The following CCDC33 variants were observed in gnomAD, a reference collection of about 807,000 sequenced individuals.
CCDC33 encodes the protein coiled-coil domain-containing protein 33.
In CCDC33, 94 loss-of-function variants were observed where a neutral mutation model predicts 91.9. That is an observed-to-expected ratio of 1.02 (90% CI 0.87 to 1.21). The LOEUF is 1.21. Ranked by LOEUF, CCDC33 falls within the 50% of genes most tolerant of loss-of-function variation. The pLI, the probability that CCDC33 is intolerant of heterozygous loss-of-function variation, is 0.00. For synonymous variants in CCDC33, 396 were observed against 374.5 expected, an observed-to-expected ratio of 1.06 and a Z score of -0.66; for missense variants, 940 against 935.5, an observed-to-expected ratio of 1.00 and a Z score of -0.06.
intron 1 of CCDC33, among the ~76,000 whole-genome samples, chr15:74,240,883 A>T (rs1401853645): frequency 5.9e-5 from 9 of 152,122 alleles, no homozygotes; most frequent in Admixed American, 3.9e-4. Context: ...GTGAGCCACC[A>T]CACCCGGCCA....
chr15:74,331,289 C>A lies in CCDC33; in HGVS notation c.1764C>A (p.Pro588=), dbSNP rs137878325. Residue 588 remains proline (P), a synonymous_variant, in exon 15 of 19, where the codon CCC becomes CCA. Transcript: ENST00000398814. ...CTCTGAACAGGCAGCAGGGAAAGCC[C>A]TACACGGGTGGGTCCACACCCTGAT... is the stretch of plus-strand genomic sequence containing the variant. ...PPPLNRQQGK[P]YTGFPMLSAS... 8,654 of 1,613,958 alleles carry A rather than the reference C, an allele frequency of 5.4e-3. 84 individuals carry two copies. The highest frequency in any genetic ancestry group is 0.031 in the South Asian group (2,853 of 91,068).
chr15:74,290,165 T>A (rs2059558761), intron 10 of CCDC33, among the ~76,000 whole-genome samples: 1 of 143,282 alleles, frequency 7.0e-6, no homozygotes. Flanking sequence ...CATTAACCAT[T>A]TGTTAGGTTT....
chr15:74,233,584 C>T (rs756239233), upstream of CCDC33, among the ~76,000 whole-genome samples: 24 of 152,212 alleles, frequency 1.6e-4, no homozygotes, highest in Non-Finnish European at 3.2e-4. Flanking sequence ...AGTTCACACC[C>T]CACCCCTTAA....
At chr15:74,273,130 T>C (rs2076365288) in intron 7 of CCDC33, among the ~76,000 whole-genome samples, 1 of 152,254 alleles carries the variant, frequency 6.6e-6, no homozygotes, top group African/African-American at 2.4e-5. Flanking sequence ...CAAGATAATG[T>C]ATAATCTAAT....
chr15:74,287,267 C>T (rs769754019), intron 10 of CCDC33, among the ~76,000 whole-genome samples: 2 of 152,148 alleles, frequency 1.3e-5, no homozygotes, highest in Non-Finnish European at 2.9e-5. Context: ...CCCCAAGACT[C>T]CATCTGTGAA....
At chr15:74,268,296 A>T in intron 4 of CCDC33, 46 bp from the exon 5 acceptor site, 1 of 1,391,762 alleles carries the variant, frequency 7.2e-7, no homozygotes, top group Non-Finnish European at 1.0e-6. Context: ...TCTGCCCCTT[A>T]GACACTCTCC....
At chr15:74,259,252 A>G (rs997998216) in intron 2 of CCDC33, among the ~76,000 whole-genome samples, 1 of 151,804 alleles carries the variant, frequency 6.6e-6, no homozygotes, top group Non-Finnish European at 1.5e-5. Context: ...GGCCTAGGGA[A>G]GCAGGTCTTG....
At chr15:74,229,538 C>G (rs961482287) in intron 2 of CCDC33, among the ~76,000 whole-genome samples, 1 of 152,190 alleles carries the variant, frequency 6.6e-6, no homozygotes, top group Non-Finnish European at 1.5e-5. Context: ...AATAGTAGCA[C>G]CTACCTCATA....
rs2059649211 is a variant in CCDC33 at position 74,294,739 on chromosome 15, T to G, written c.1096-1015T>G. On this transcript the variant is annotated intron_variant, in intron 10 of 18. Transcript: ENST00000398814. ...TCCAGCCCGGGCAAGAGAGCAAGACTCTGTCTCAAAAAAAAAAAAAAGAAA... is the reference window on the plus strand; with the variant it reads ...TCCAGCCCGGGCAAGAGAGCAAGACGCTGTCTCAAAAAAAAAAAAAAGAAA... 2.3e-5 allele frequency among the ~76,000 whole-genome samples: 3 copies of G among 131,424 alleles called. No homozygotes were observed. In the Admixed American group the frequency reaches 2.4e-4, roughly 10 times the overall value. The allele number at this position is 131,424 out of a possible 152,430, so 86.2% of individuals were successfully genotyped here.
intron 1 of CCDC33, chr15:74,208,182 G>T: frequency 2.2e-6 from 1 of 449,102 alleles, no homozygotes; most frequent in Non-Finnish European, 3.1e-6. Context: ...CTGACCTGGA[G>T]GAGGGAGGCA....
upstream of CCDC33, among the ~76,000 whole-genome samples, chr15:74,234,997 G>C (rs908319149): frequency 4.3e-4 from 65 of 152,344 alleles, no homozygotes; most frequent in African/African-American, 1.4e-3. Flanking sequence ...GACTAAGCAG[G>C]CCTGAGAGGT....
chr15:74,266,924 G>T, intron 4 of CCDC33, 137 bp downstream of exon 4: 1 of 606,164 alleles, frequency 1.6e-6, no homozygotes. Context: ...GTGGGGCTCA[G>T]GAAACATGGC....
At chr15:74,206,212 C>T (rs1030338821) in intron 1 of CCDC33, among the ~76,000 whole-genome samples, 9 of 152,178 alleles carry the variant, frequency 5.9e-5, no homozygotes, top group Non-Finnish European at 1.0e-4. Flanking sequence ...CTCCCACCTG[C>T]CCCCTCCTGG....
In CCDC33 at chr15:74,335,020, G is replaced by A. The variant is rs747382117; in HGVS notation, c.2071G>A (p.Ala691Thr). The A allele has an allele frequency of 3.1e-6, 5 of 1,613,992 alleles. No homozygotes were observed. Among genetic ancestry groups the A allele is most frequent in the Non-Finnish European group, 3.4e-6 (4 of 1,180,014 alleles). The change falls in exon 18 of 19, where the codon GCC becomes ACC. Residue 691 changes from alanine to threonine, a missense_variant. Coordinates refer to ENST00000398814, the MANE Select transcript of CCDC33 (RefSeq NM_025055.5). Reference sequence around the variant, plus strand: ...CTGGGGACGAGAGAAGCAGGATCTGGCCACACGGCTGCAGGAGCAAGAAAA... The same window carrying A: ...CTGGGGACGAGAGAAGCAGGATCTGACCACACGGCTGCAGGAGCAAGAAAA... Reference protein sequence around the residue: ...RRWGREKQDLATRLQEQEKGF... With the variant: ...RRWGREKQDLTTRLQEQEKGF...
intron 8 of CCDC33, 105 bp from the exon 9 acceptor site, chr15:74,280,563 C>T: frequency 7.6e-7 from 1 of 1,321,254 alleles, no homozygotes; most frequent in Non-Finnish European, 1.0e-6. Context: ...GGCCAGGAGG[C>T]AGGAAAGCAG....
intron 2 of CCDC33, among the ~76,000 whole-genome samples, chr15:74,249,501 A>T (rs200405953): frequency 7.6e-6 from 1 of 131,742 alleles, no homozygotes; most frequent in African/African-American, 3.1e-5. Flanking sequence ...AAAATAATAA[A>T]AAAATAAAAA....
intron 1 of CCDC33, among the ~76,000 whole-genome samples, chr15:74,241,785 T>C (rs1334287115): frequency 6.6e-6 from 1 of 152,070 alleles, no homozygotes; most frequent in Non-Finnish European, 1.5e-5. Context: ...CAGATATAGT[T>C]TGAAGGTGGA....
chr15:74,306,655 G>A (rs971108597), intron 11 of CCDC33, among the ~76,000 whole-genome samples: 3 of 152,166 alleles, frequency 2.0e-5, no homozygotes, highest in Non-Finnish European at 4.4e-5. Context: ...TATTAATGGA[G>A]CGAATGCCTC....
chr15:74,330,118 G>T (rs928854890), intron 11 of CCDC33, 71 bp from the exon 12 acceptor site: 3 of 1,503,818 alleles, frequency 2.0e-6, no homozygotes. Flanking sequence ...TGACTTTCAA[G>T]TGTAGATGTG....
Sources: allele counts gnomAD v4.1 joint callset (sites outside exome capture counted in the v4.1 genomes callset), GRCh38; gene constraint gnomAD v4.1.1; transcripts MANE v1.5; gene names NCBI Gene and HGNC (gene_info 2026-07-23, HGNC 2026-07-21).